GALNT10: variants seen among roughly 807,000 people sequenced by gnomAD.
The protein encoded by GALNT10 is GalNAc transferase 10.
Under a neutral mutation model 75.0 loss-of-function variants are expected in GALNT10, and 41 were observed. That is an observed-to-expected ratio of 0.55 (90% confidence interval 0.43 to 0.71). The LOEUF (loss-of-function observed/expected upper bound fraction) is 0.71. GALNT10 is among the 30% of genes least tolerant of loss of function. The pLI is 0.00. For missense variants in GALNT10, 727 were observed against 818.5 expected (o/e 0.89, Z 1.36); for synonymous variants, 302 against 313.0 (o/e 0.96, Z 0.37).
chr5:154,376,313 T>G lies in GALNT10; in HGVS notation c.605T>G (p.Leu202Arg), dbSNP rs1343249287. Residue 202 changes from leucine (L) to arginine (R), a missense_variant, in exon 5 of 12, where the codon CTT becomes CGT. Leu to Arg is a moderately radical substitution (Grantham distance 102). Coordinates refer to ENST00000297107, the MANE Select transcript of GALNT10 (RefSeq NM_198321.4). This position sits in a 1 kb window ranked among gnomAD's most constrained non-coding sequence, Gnocchi z 4.1. ...LKKPLEDYMA[L>R]FPSVRILRTK... Reference sequence around the variant, plus strand: ...AAGCCTCTTGAAGACTACATGGCCCTTTTCCCCAGTGTGAGGATTCTTCGA... The same window carrying G: ...AAGCCTCTTGAAGACTACATGGCCCGTTTCCCCAGTGTGAGGATTCTTCGA... 6.2e-7 allele frequency: 1 copy of G among 1,610,146 alleles called. No homozygotes were observed. Among genetic ancestry groups the G allele is most frequent in the African/African-American group, 1.3e-5 (1 of 74,780 alleles).
intron 3 of GALNT10, among the ~76,000 whole-genome samples, chr5:154,303,291 A>G (rs1754386279): frequency 6.6e-6 from 1 of 152,164 alleles, no homozygotes; most frequent in Non-Finnish European, 1.5e-5. Context: ...AAGCCCAGAT[A>G]GAGCCCAGAA....
At chr5:154,222,791 A>G (rs1241374464) in intron 1 of GALNT10, among the ~76,000 whole-genome samples, 2 of 152,066 alleles carry the variant, frequency 1.3e-5, no homozygotes, top group Non-Finnish European at 1.5e-5. Context: ...CCATTTTTTA[A>G]TTGGATTGTC....
At chr5:154,330,923 GTGTGTGTGTGTGTGTT>G (rs1463514137) in intron 4 of GALNT10, among the ~76,000 whole-genome samples, 19 of 99,864 alleles carry the variant, frequency 1.9e-4, no homozygotes, top group East Asian at 1.0e-3. Flanking sequence ...GTGTGTGTGT[GTGTGTGTGTGTGTGTT>G]TGTGTGTGTG....
intron 1 of GALNT10, among the ~76,000 whole-genome samples, chr5:154,204,521 C>T (rs1205371030): frequency 2.6e-5 from 4 of 152,348 alleles, no homozygotes; most frequent in South Asian, 2.1e-4. Context: ...ACCCCTGTCT[C>T]GTCTGGCCCT....
chr5:154,230,319 T>C (rs1180414999), intron 1 of GALNT10, among the ~76,000 whole-genome samples: 3 of 152,194 alleles, frequency 2.0e-5, no homozygotes, highest in Admixed American at 2.0e-4. Flanking sequence ...TGGGGAATAC[T>C]AAGTTTAAAA....
intron 3 of GALNT10, among the ~76,000 whole-genome samples, chr5:154,323,687 C>T (rs1316304612): frequency 1.3e-5 from 2 of 152,200 alleles, no homozygotes; most frequent in Non-Finnish European, 2.9e-5. Flanking sequence ...TTTGGTGCTT[C>T]TCCACCTCGG....
rs57710576 is a variant in GALNT10 at position 154,363,492 on chromosome 5, GAAAAAAAAAAAAA to G, written c.569-12768_569-12756del. ...AAGGATTTTGTGCCAGCGTTTATCT[GAAAAAAAAAAAAA>G]AAAAAAAAAAAAAAAAGGCTCCAAA... On this transcript the variant is annotated intron_variant, in intron 4 of 11. Coordinates refer to ENST00000297107, the MANE Select transcript of GALNT10 (RefSeq NM_198321.4). Among the ~76,000 whole-genome samples the G allele has an allele frequency of 1.3e-3, 47 of 37,540 alleles. No homozygotes were observed. The East Asian group carries it at 0.013, about 10-fold the overall frequency. 24.6% of individuals were successfully genotyped at this position (37,540 alleles called of 152,430 possible).
At chr5:154,355,253 C>G (rs985647871) in intron 4 of GALNT10, among the ~76,000 whole-genome samples, 1 of 152,192 alleles carries the variant, frequency 6.6e-6, no homozygotes, top group Non-Finnish European at 1.5e-5. Context: ...CTCCTCCCCC[C>G]TCACCCTCTC....
chr5:154,406,604 C>T (rs1756287331), intron 8 of GALNT10, among the ~76,000 whole-genome samples: 1 of 152,202 alleles, frequency 6.6e-6, no homozygotes, highest in South Asian at 2.1e-4. Flanking sequence ...CAAGACCAGC[C>T]TGGTCAACAT....
At chr5:154,329,979 A>G (rs1351085904) in intron 4 of GALNT10, 1 of 353,094 alleles carries the variant, frequency 2.8e-6, no homozygotes, top group African/African-American at 2.0e-5. Flanking sequence ...AAAAAAAAAC[A>G]GAAAACTTGA....
At chr5:154,274,830 T>C (rs888018321) in intron 1 of GALNT10, among the ~76,000 whole-genome samples, 1 of 152,236 alleles carries the variant, frequency 6.6e-6, no homozygotes, top group Non-Finnish European at 1.5e-5. Flanking sequence ...CTAGTTCCAT[T>C]GGCCCTCACT....
At chr5:154,211,456 ATCCGTGTAT>A (rs1309574484) in intron 1 of GALNT10, among the ~76,000 whole-genome samples, 2 of 152,218 alleles carry the variant, frequency 1.3e-5, no homozygotes, top group Non-Finnish European at 2.9e-5. Flanking sequence ...AGAAAATCTC[ATCCGTGTAT>A]GCAGGTTACT....
intron 1 of GALNT10, among the ~76,000 whole-genome samples, chr5:154,227,458 T>C (rs975824311): frequency 6.6e-6 from 1 of 152,260 alleles, no homozygotes; most frequent in African/African-American, 2.4e-5. Context: ...CATCTTTTTT[T>C]TGTTATGTGT....
intron 3 of GALNT10, among the ~76,000 whole-genome samples, chr5:154,304,686 C>A (rs1199591582): frequency 1.3e-5 from 2 of 152,050 alleles, no homozygotes; most frequent in African/African-American, 4.8e-5. Context: ...TTGTTTAAAT[C>A]TTTTAAAAGA....
At chr5:154,223,874 C>T (rs888918452) in intron 1 of GALNT10, among the ~76,000 whole-genome samples, 1 of 151,148 alleles carries the variant, frequency 6.6e-6, no homozygotes. Context: ...GAGCTGAGAT[C>T]GCGTCACTGC....
chr5:154,326,948 C>T (rs1334546172), intron 3 of GALNT10, among the ~76,000 whole-genome samples: 1 of 152,150 alleles, frequency 6.6e-6, no homozygotes, highest in Non-Finnish European at 1.5e-5. Flanking sequence ...CAGTAAAACT[C>T]AGTAATTCTA....
intron 1 of GALNT10, among the ~76,000 whole-genome samples, chr5:154,292,772 A>C (rs1386874817): frequency 5.9e-5 from 9 of 152,318 alleles, no homozygotes; most frequent in Middle Eastern, 3.4e-3. Flanking sequence ...TACATAAAAC[A>C]GATGTGTTGT....
At chr5:154,367,514 G>T (rs529017746) in intron 4 of GALNT10, among the ~76,000 whole-genome samples, 24 of 152,160 alleles carry the variant, frequency 1.6e-4, no homozygotes, top group African/African-American at 5.8e-4. Flanking sequence ...CCACCCGCTC[G>T]CAGGTTTGCT....
chr5:154,289,251 T>A (rs935112008), intron 1 of GALNT10, among the ~76,000 whole-genome samples: 4 of 152,228 alleles, frequency 2.6e-5, no homozygotes, highest in Non-Finnish European at 5.9e-5. Context: ...CAGTTAATCC[T>A]CCCAACAGAT....
Sources: gnomAD v4.1 joint callset for allele counts (sites outside exome capture counted in the v4.1 genomes callset) on GRCh38, gnomAD v4.1.1 for gene constraint, Gnocchi (gnomAD v3.1) non-coding constraint, MANE v1.5 for transcripts, NCBI Gene and HGNC (gene_info 2026-07-23, HGNC 2026-07-21) for gene names.